Variants in POLR3B observed in about 807,000 individuals in gnomAD.
POLR3B encodes the protein DNA-directed RNA polymerase III subunit RPC2.
In POLR3B, 96 loss-of-function variants were observed where a neutral mutation model predicts 147.4. The observed-to-expected ratio is 0.65, with a 90% CI of 0.55 to 0.77. The LOEUF (loss-of-function observed/expected upper bound fraction) is 0.77. Among genes scored for constraint, POLR3B ranks in the 30% least tolerant of loss-of-function variants. The pLI is 0.00. For synonymous variants in POLR3B, 461 were observed against 485.9 expected, an observed-to-expected ratio of 0.95 and a Z score of 0.67; for missense variants, 1,036 against 1,413.5, an observed-to-expected ratio of 0.73 and a Z score of 4.28.
intron 19 of POLR3B, among the ~76,000 whole-genome samples, chr12:106,453,134 C>G (rs987057090): frequency 6.6e-6 from 1 of 150,904 alleles, no homozygotes; most frequent in Non-Finnish European, 1.5e-5. Context: ...AAGCGATTCT[C>G]ATGCCTCAGC....
At chr12:106,371,441 A>G (rs1168194584) in intron 6 of POLR3B, among the ~76,000 whole-genome samples, 1 of 152,078 alleles carries the variant, frequency 6.6e-6, no homozygotes, top group African/African-American at 2.4e-5. Context: ...ATTACTGGGT[A>G]TATACCCAAA....
intron 12 of POLR3B, among the ~76,000 whole-genome samples, chr12:106,421,939 A>T (rs561439884): frequency 6.6e-6 from 1 of 152,256 alleles, no homozygotes; most frequent in East Asian, 1.9e-4. Flanking sequence ...ACCTCAAGTG[A>T]TCCACCCGTC....
chr12:106,394,688 A>G (rs1488285992), intron 10 of POLR3B, among the ~76,000 whole-genome samples: 1 of 152,220 alleles, frequency 6.6e-6, no homozygotes, highest in Non-Finnish European at 1.5e-5. Flanking sequence ...TTTCTGTTAA[A>G]TAGGTTCTGA....
rs34981102 is a variant in POLR3B, at chr12:106,509,184, A to G, written c.3273-236A>G. 1.2e-4 allele frequency among the ~76,000 whole-genome samples: 19 copies of G among 152,320 alleles called. No individual in the cohort carries two copies. In the South Asian group the frequency reaches 2.7e-3, roughly 22 times the overall value. On this transcript the variant is annotated intron_variant, in intron 27 of 27. Transcript: ENST00000228347. ...TGTGGTAACAACTGACTCAACTTGCATGCTTTAAACACTGGAGGGAATGGT... is the reference window on the plus strand; with the variant it reads ...TGTGGTAACAACTGACTCAACTTGCGTGCTTTAAACACTGGAGGGAATGGT...
chr12:106,393,849 G>A (rs1358001433), intron 10 of POLR3B, among the ~76,000 whole-genome samples: 1 of 151,778 alleles, frequency 6.6e-6, no homozygotes, highest in African/African-American at 2.4e-5. Context: ...CATGGAGGGA[G>A]CCCCAGCAGC....
intron 9 of POLR3B, among the ~76,000 whole-genome samples, chr12:106,384,894 C>G (rs1027022879): frequency 1.3e-5 from 2 of 149,176 alleles, no homozygotes; most frequent in African/African-American, 5.0e-5. Context: ...ATGGCGTGAT[C>G]TCAGCTTAAT....
At chr12:106,433,147 G>T (rs1438044613) in intron 15 of POLR3B, among the ~76,000 whole-genome samples, 1 of 152,110 alleles carries the variant, frequency 6.6e-6, no homozygotes, top group Non-Finnish European at 1.5e-5. Context: ...GGTGAGGAAG[G>T]GGTCAGAGCC....
At chr12:106,378,644 G>A (rs1320360070) in intron 8 of POLR3B, among the ~76,000 whole-genome samples, 6 of 149,850 alleles carry the variant, frequency 4.0e-5, no homozygotes, top group African/African-American at 1.5e-4. Flanking sequence ...GAGCATGAAA[G>A]GAGATTTAAA....
At chr12:106,421,947 G>A (rs770653683) in intron 12 of POLR3B, among the ~76,000 whole-genome samples, 30 of 152,226 alleles carry the variant, frequency 2.0e-4, no homozygotes, top group African/African-American at 4.3e-4. Flanking sequence ...TGATCCACCC[G>A]TCTCAGCCTC....
Position 106,459,357 on chromosome 12 carries a change from T to G in POLR3B, c.2559T>G (p.Asp853Glu), listed in dbSNP as rs1366823798. The G allele has an allele frequency of 3.9e-6, 6 of 1,521,810 alleles. No individual in the cohort carries two copies. In the African/African-American group the frequency reaches 4.1e-5, roughly 10 times the overall value. The allele number at this position is 1,521,810 out of a possible 1,614,324, so 94.3% of individuals were successfully genotyped here. ...TACCACAGCAACCACAGTACAAAGA[T>G]GTACCCATAACGTATGTATTGGTTG... The part of the protein sequence containing the change: ...SNVPQQPQYK[D>E]VPITYKGATD... Residue 853 changes from aspartate (D) to glutamate (E), a missense_variant, in exon 22 of 28, where the codon GAT (aspartate) becomes GAG (glutamate). Coordinates refer to ENST00000228347, the MANE Select transcript of POLR3B (RefSeq NM_018082.6).
intron 10 of POLR3B, among the ~76,000 whole-genome samples, 168 bp downstream of exon 10, chr12:106,393,321 A>C (rs2036937469): frequency 6.6e-6 from 1 of 152,040 alleles, no homozygotes; most frequent in African/African-American, 2.4e-5. Context: ...TCAGGTTTGG[A>C]GGAAGGAGTT....
intron 23 of POLR3B, among the ~76,000 whole-genome samples, chr12:106,490,417 A>AAAAAAG (rs1304962384): frequency 6.6e-6 from 1 of 152,160 alleles, no homozygotes; most frequent in Non-Finnish European, 1.5e-5. Context: ...CCGTGTAAAA[A>AAAAAAG]CTGTATTGTC....
At chr12:106,492,523 G>A (rs1006322160) in intron 23 of POLR3B, among the ~76,000 whole-genome samples, 6 of 152,218 alleles carry the variant, frequency 3.9e-5, no homozygotes, top group African/African-American at 1.4e-4. Context: ...ACAAGAGAGT[G>A]AGACCCTGTC....
chr12:106,399,204 T>A (rs1326165652), intron 10 of POLR3B, among the ~76,000 whole-genome samples: 2 of 151,848 alleles, frequency 1.3e-5, no homozygotes, highest in African/African-American at 4.8e-5. Context: ...CAGTAGCCGA[T>A]GCAACTGGAA....
At chr12:106,392,997 C>T (rs375219862) in intron 9 of POLR3B, 34 bp from the exon 10 acceptor site, 205 of 1,613,370 alleles carry the variant, frequency 1.3e-4, no homozygotes, top group Non-Finnish European at 1.6e-4. Flanking sequence ...TAACACAAAG[C>T]CAACACTCTT....
At chr12:106,358,408 A>G (rs1188769425) in intron 1 of POLR3B, among the ~76,000 whole-genome samples, 2 of 152,150 alleles carry the variant, frequency 1.3e-5, no homozygotes, top group Non-Finnish European at 2.9e-5. Flanking sequence ...TTGAAGTTCC[A>G]GTTTGGGTTG....
intron 12 of POLR3B, among the ~76,000 whole-genome samples, chr12:106,423,002 T>G (rs1424134410): frequency 6.6e-6 from 1 of 152,208 alleles, no homozygotes; most frequent in African/African-American, 2.4e-5. Flanking sequence ...ATAATTTTAT[T>G]CATGAGGGTC....
intron 10 of POLR3B, among the ~76,000 whole-genome samples, chr12:106,400,195 T>C (rs1170284135): frequency 6.6e-6 from 1 of 152,084 alleles, no homozygotes; most frequent in African/African-American, 2.4e-5. Context: ...TAGTCTCTGA[T>C]AAAACAGACT....
chr12:106,450,987 A>G (rs1400528823), intron 19 of POLR3B, among the ~76,000 whole-genome samples: 2 of 152,216 alleles, frequency 1.3e-5, no homozygotes, highest in Non-Finnish European at 2.9e-5. Flanking sequence ...GTATATTTAT[A>G]CAATACTAAG....
Sources: gnomAD v4.1 joint callset for allele counts (sites outside exome capture counted in the v4.1 genomes callset) on GRCh38, gnomAD v4.1.1 for gene constraint, MANE v1.5 for transcripts, NCBI Gene and HGNC (gene_info 2026-07-23, HGNC 2026-07-21) for gene names.